KLHL1: variants seen among roughly 807,000 people sequenced by gnomAD.
KLHL1 encodes the protein kelch like family member 1.
In KLHL1, 47 loss-of-function variants were observed where a neutral mutation model predicts 77.7. That is an observed-to-expected ratio of 0.60 (90% CI 0.48 to 0.77). The LOEUF (loss-of-function observed/expected upper bound fraction) is 0.77, where lower values mean the gene tolerates loss of function less well. Among genes scored for constraint, KLHL1 ranks in the 30% least tolerant of loss-of-function variants. The pLI, the probability that KLHL1 is intolerant of heterozygous loss-of-function variation, is 0.00. For synonymous variants in KLHL1, 360 were observed against 325.2 expected (o/e 1.11, Z -1.15); for missense variants, 925 against 910.8 (o/e 1.02, Z -0.20).
chr13:70,086,992 A>G (rs1887559929), intron 1 of KLHL1, among the ~76,000 whole-genome samples: 1 of 152,168 alleles, frequency 6.6e-6, no homozygotes, highest in Non-Finnish European at 1.5e-5. Flanking sequence ...TGAGTCTGGA[A>G]AGATAATCAT....
chr13:69,903,973 T>A (rs563434415), intron 4 of KLHL1, among the ~76,000 whole-genome samples: 1 of 151,856 alleles, frequency 6.6e-6, no homozygotes, highest in East Asian at 1.9e-4. Flanking sequence ...TTTATGTTCA[T>A]TGAAGAAATG....
At chr13:70,031,832 T>C (rs772690712) in intron 1 of KLHL1, among the ~76,000 whole-genome samples, 13 of 152,286 alleles carry the variant, frequency 8.5e-5, no homozygotes, top group Admixed American at 3.9e-4. Flanking sequence ...ATTAATAATA[T>C]GGTTGTTCTG....
intron 5 of KLHL1, among the ~76,000 whole-genome samples, chr13:69,849,021 C>A (rs1879579696): frequency 6.6e-6 from 1 of 151,498 alleles, no homozygotes; most frequent in Non-Finnish European, 1.5e-5. Flanking sequence ...AACCTTCCAC[C>A]CTGTATGAAC....
At chr13:69,903,456 C>T (rs1429021783) in intron 4 of KLHL1, among the ~76,000 whole-genome samples, 1 of 151,232 alleles carries the variant, frequency 6.6e-6, no homozygotes, top group Non-Finnish European at 1.5e-5. Flanking sequence ...ATAAACAAGC[C>T]TGATTGAAAT....
chr13:70,037,593 C>T (rs1422592958), intron 1 of KLHL1, among the ~76,000 whole-genome samples: 1 of 151,780 alleles, frequency 6.6e-6, no homozygotes, highest in African/African-American at 2.4e-5. Context: ...CTTTTTGTCT[C>T]TTCTTTAGTT....
intron 3 of KLHL1, among the ~76,000 whole-genome samples, chr13:69,946,463 T>C (rs1174364258): frequency 5.3e-5 from 8 of 152,024 alleles, no homozygotes; most frequent in Non-Finnish European, 7.4e-5. Flanking sequence ...CAAACAAATA[T>C]ATGATATTAT....
At chr13:69,909,373 T>G (rs554917210) in intron 4 of KLHL1, among the ~76,000 whole-genome samples, 85 of 151,988 alleles carry the variant, frequency 5.6e-4, no homozygotes, top group African/African-American at 2.0e-3. Context: ...GTGCAAAATA[T>G]TTTACATTAT....
chr13:70,088,136 G>T (rs186747885), intron 1 of KLHL1, among the ~76,000 whole-genome samples: 9 of 152,170 alleles, frequency 5.9e-5, no homozygotes, highest in African/African-American at 1.9e-4. Flanking sequence ...AATAATGAGC[G>T]CCACGAACTT....
chr13:69,718,031 C>T, intron 9 of KLHL1, among the ~76,000 whole-genome samples: 1 of 152,126 alleles, frequency 6.6e-6, no homozygotes, highest in East Asian at 1.9e-4. Flanking sequence ...CAAAAACCAT[C>T]TCTTGCCAAT....
chr13:69,897,606 C>T (rs149091868), intron 4 of KLHL1, among the ~76,000 whole-genome samples: 1 of 152,096 alleles, frequency 6.6e-6, no homozygotes, highest in African/African-American at 2.4e-5. Context: ...CTAAATGCCC[C>T]CTTCCTCCAG....
chr13:69,766,719 T>C (rs1875322731), intron 7 of KLHL1, among the ~76,000 whole-genome samples: 1 of 152,112 alleles, frequency 6.6e-6, no homozygotes, highest in Admixed American at 6.6e-5. Context: ...GGCTACTGAC[T>C]GGAAAATGGA....
intron 3 of KLHL1, among the ~76,000 whole-genome samples, chr13:69,957,550 C>T (rs1391945139): frequency 2.0e-5 from 3 of 151,664 alleles, no homozygotes; most frequent in Non-Finnish European, 4.4e-5. Context: ...ATATAGTTTA[C>T]ATTGTGTCTT....
At chr13:70,045,571 A>G (rs1886474020) in intron 1 of KLHL1, among the ~76,000 whole-genome samples, 1 of 131,854 alleles carries the variant, frequency 7.6e-6, no homozygotes, top group South Asian at 2.4e-4. Context: ...TTTAAAAAAC[A>G]CACAACACAC....
intron 8 of KLHL1, among the ~76,000 whole-genome samples, chr13:69,728,836 G>T (rs1873416458): frequency 6.6e-6 from 1 of 151,478 alleles, no homozygotes; most frequent in African/African-American, 2.4e-5. Flanking sequence ...ATGAAGATTT[G>T]AATGAATGAA....
intron 1 of KLHL1, among the ~76,000 whole-genome samples, chr13:70,094,002 A>G (rs1198650385): frequency 6.6e-6 from 1 of 152,194 alleles, no homozygotes; most frequent in Admixed American, 6.5e-5. Flanking sequence ...AGAGTAGTAT[A>G]CGGTAAAGGG....
chr13:69,970,560 G>C (rs1477207178), intron 2 of KLHL1, among the ~76,000 whole-genome samples: 1 of 152,052 alleles, frequency 6.6e-6, no homozygotes, highest in Non-Finnish European at 1.5e-5. Context: ...CCTAACAGGA[G>C]CTCCTTATTC....
chr13:69,869,099 A>G (rs374268988), intron 5 of KLHL1, among the ~76,000 whole-genome samples: 1 of 152,130 alleles, frequency 6.6e-6, no homozygotes, highest in East Asian at 1.9e-4. Context: ...AAATATAAAA[A>G]TGTTGTATAA....
At chr13:69,870,257 A>G (rs1456635752) in intron 5 of KLHL1, among the ~76,000 whole-genome samples, 1 of 152,154 alleles carries the variant, frequency 6.6e-6, no homozygotes, top group African/African-American at 2.4e-5. Context: ...TCACACAGCA[A>G]GAGAGAGAAG....
At chr13:69,802,757 G>A (rs904004510) in intron 6 of KLHL1, among the ~76,000 whole-genome samples, 1 of 151,890 alleles carries the variant, frequency 6.6e-6, no homozygotes, top group Non-Finnish European at 1.5e-5. Context: ...CCCTTAAAAA[G>A]GACAGGAATT....
Sources: allele counts gnomAD v4.1 joint callset (sites outside exome capture counted in the v4.1 genomes callset), GRCh38; gene constraint gnomAD v4.1.1; transcripts MANE v1.5; gene names NCBI Gene and HGNC (gene_info 2026-07-23, HGNC 2026-07-21).